MXI1: variants seen among roughly 807,000 people sequenced by gnomAD.
MXI1 encodes the protein MAX interactor 1, dimerization protein.
In MXI1, 18 loss-of-function variants were observed where a neutral mutation model predicts 36.9. The observed-to-expected ratio is 0.49, with a 90% CI of 0.34 to 0.72. The LOEUF (loss-of-function observed/expected upper bound fraction) is 0.72. Among genes scored for constraint, MXI1 ranks in the 30% least tolerant of loss-of-function variants. The pLI, the probability that MXI1 is intolerant of heterozygous loss-of-function variation, is 0.01. For synonymous variants in MXI1, 160 were observed against 146.7 expected (o/e 1.09, Z -0.65); for missense variants, 304 against 379.1 (o/e 0.80, Z 1.64).
Position 110,285,051 on chromosome 10 carries a change from T to A in MXI1, c.*64T>A. 1 of 1,465,488 alleles carries A rather than the reference T, an allele frequency of 6.8e-7. No homozygotes were observed. The highest frequency in any genetic ancestry group is 2.4e-5 in the East Asian group (1 of 42,116). 90.8% of individuals were successfully genotyped at this position (1,465,488 alleles called of 1,614,324 possible). ...CTGGGCCAATTCAATACAAACAATC[T>A]CTTAAATTGGGTTCATGATGCAGTC... is the stretch of plus-strand genomic sequence containing the variant. On this transcript the variant is annotated 3_prime_UTR_variant, in exon 6 of 6. Transcript: ENST00000332674.
At chr10:110,256,646 A>C (rs1856309851) in intron 3 of MXI1, among the ~76,000 whole-genome samples, 1 of 150,790 alleles carries the variant, frequency 6.6e-6, no homozygotes, top group South Asian at 2.1e-4. Flanking sequence ...GCCAATATAC[A>C]TGTGAAATGC....
chr10:110,219,706 C>T (rs946487518), intron 1 of MXI1, among the ~76,000 whole-genome samples: 1 of 152,236 alleles, frequency 6.6e-6, no homozygotes, highest in Non-Finnish European at 1.5e-5. Flanking sequence ...TGCTTATCAT[C>T]AGTCTGGAGG....
chr10:110,266,962 C>A (rs1856694869), intron 3 of MXI1, among the ~76,000 whole-genome samples: 1 of 152,086 alleles, frequency 6.6e-6, no homozygotes, highest in Non-Finnish European at 1.5e-5. Flanking sequence ...CCTTTATTTT[C>A]TGATACTTTT....
chr10:110,271,287 T>C (rs1393785444), intron 3 of MXI1, among the ~76,000 whole-genome samples: 2 of 152,184 alleles, frequency 1.3e-5, no homozygotes, highest in Admixed American at 1.3e-4. Context: ...CATCTGATTA[T>C]ACTGTTTGGA....
intron 3 of MXI1, among the ~76,000 whole-genome samples, chr10:110,256,685 GAATC>G (rs1392503210): frequency 6.7e-6 from 1 of 149,062 alleles, no homozygotes; most frequent in Admixed American, 6.7e-5. Context: ...AGGGAAATGT[GAATC>G]AAAACTATAA....
intron 1 of MXI1, chr10:110,227,914 A>C: frequency 2.3e-6 from 1 of 427,906 alleles, no homozygotes. Flanking sequence ...GTTCTAAAGC[A>C]TCTGAAATCT....
intron 3 of MXI1, among the ~76,000 whole-genome samples, chr10:110,268,593 C>T (rs1010512862): frequency 6.6e-6 from 1 of 152,058 alleles, no homozygotes; most frequent in Non-Finnish European, 1.5e-5. Flanking sequence ...TTTCTATCTA[C>T]CTAAAAGTGC....
intron 3 of MXI1, among the ~76,000 whole-genome samples, chr10:110,275,838 G>C (rs1857009237): frequency 6.6e-6 from 1 of 152,094 alleles, no homozygotes; most frequent in Admixed American, 6.5e-5. Context: ...TTGGAGGACT[G>C]TATTTACAAA....
At chr10:110,211,422 T>G (rs1854512686) in intron 1 of MXI1, among the ~76,000 whole-genome samples, 1 of 151,948 alleles carries the variant, frequency 6.6e-6, no homozygotes, top group Admixed American at 6.6e-5. Flanking sequence ...AGTCTCTTCT[T>G]AAAGGGACGC....
At chr10:110,244,499 G>A (rs1014375730) in intron 2 of MXI1, among the ~76,000 whole-genome samples, 34 of 150,618 alleles carry the variant, frequency 2.3e-4, no homozygotes, top group Non-Finnish European at 1.0e-4. Context: ...ACAGGATTAT[G>A]TTTAAAATTT....
intron 3 of MXI1, among the ~76,000 whole-genome samples, chr10:110,251,744 T>A (rs1281883231): frequency 6.6e-6 from 1 of 151,984 alleles, no homozygotes; most frequent in African/African-American, 2.4e-5. Context: ...GAGAGATAAT[T>A]TGAATATAAG....
chr10:110,213,890 T>G (rs1854565919), intron 1 of MXI1, among the ~76,000 whole-genome samples: 1 of 152,268 alleles, frequency 6.6e-6, no homozygotes, highest in Admixed American at 6.5e-5. Flanking sequence ...ACTAATTGTA[T>G]GGCATAATAT....
chr10:110,235,574 GCTA>G (rs1176048576), intron 2 of MXI1, among the ~76,000 whole-genome samples: 1 of 151,778 alleles, frequency 6.6e-6, no homozygotes, highest in East Asian at 1.9e-4. Flanking sequence ...TGTAGTCCCA[GCTA>G]CTCGGGAGGC....
chr10:110,231,474 AG>A (rs1250930275), intron 2 of MXI1, among the ~76,000 whole-genome samples: 1 of 152,158 alleles, frequency 6.6e-6, no homozygotes, highest in Non-Finnish European at 1.5e-5. Context: ...TTATTTTCAA[AG>A]AAGTAAAAAG....
intron 1 of MXI1, among the ~76,000 whole-genome samples, chr10:110,217,206 T>C (rs1192433271): frequency 6.6e-6 from 1 of 152,120 alleles, no homozygotes; most frequent in African/African-American, 2.4e-5. Context: ...CCAACTCCAG[T>C]GTCTGTAAGG....
At position 110,286,352 on chromosome 10, in the gene MXI1, T is replaced by C. The variant is rs970423221; in HGVS notation, c.*1365T>C. 2.6e-5 allele frequency: 4 copies of C among 152,666 alleles called. No homozygotes were observed. The highest frequency in any genetic ancestry group is 9.6e-5 in the African/African-American group (4 of 41,462). The allele number at this position is 152,666 out of a possible 1,614,324, so 9.5% of individuals were successfully genotyped here. ...GTGAAATTTCTAGCCTGCACTTTGATGTCATGTGTTCCCTTTGTCTTTCAA... is the reference window on the plus strand; with the variant it reads ...GTGAAATTTCTAGCCTGCACTTTGACGTCATGTGTTCCCTTTGTCTTTCAA... On this transcript the variant is annotated 3_prime_UTR_variant, in exon 6 of 6. Transcript: ENST00000332674.
chr10:110,275,974 T>A (rs1857015658), intron 3 of MXI1, among the ~76,000 whole-genome samples: 1 of 149,118 alleles, frequency 6.7e-6, no homozygotes, highest in South Asian at 2.1e-4. Context: ...CTAAAAAAAA[T>A]ATCTTTTAGA....
rs1415983817 is a variant in MXI1 at position 110,207,828 on chromosome 10, C to T, written c.20C>T (p.Pro7Leu). The part of the protein sequence containing the change: MGKRGR[P>L]RKEARCEGAG... ...TCCTCCATGGGCAAACGCGGGCGGCCGCGCAAGGAGGCGCGCTGCGAGGGC... is the reference window on the plus strand; with the variant it reads ...TCCTCCATGGGCAAACGCGGGCGGCTGCGCAAGGAGGCGCGCTGCGAGGGC... The change falls in exon 1 of 6, where the codon CCG becomes CTG. Residue 7 changes from proline (P) to leucine (L), a missense_variant. Around this residue, in one of 2 missense-constraint regions of MXI1, gnomAD observed 179 missense variants for 184.8 expected, o/e 0.97. Coordinates refer to ENST00000332674, the MANE Select transcript of MXI1 (RefSeq NM_130439.3). The T allele has an allele frequency of 2.7e-6, 3 of 1,121,214 alleles. No homozygotes were observed. In the East Asian group the frequency reaches 1.6e-4, roughly 58 times the overall value. The allele number at this position is 1,121,214 out of a possible 1,614,324, so 69.5% of individuals were successfully genotyped here.
chr10:110,280,147 G>GCACTAAATCCACT, intron 5 of MXI1, 62 bp downstream of exon 5: 1 of 1,415,750 alleles, frequency 7.1e-7, no homozygotes, highest in Non-Finnish European at 9.4e-7. Flanking sequence ...ATTTAGGGAA[G>GCACTAAATCCACT]GTATGTTGGG....
Sources: gnomAD v4.1 joint callset for allele counts (sites outside exome capture counted in the v4.1 genomes callset) on GRCh38, gnomAD v4.1.1 for gene constraint, gnomAD v4.1.1 regional missense constraint, MANE v1.5 for transcripts, NCBI Gene and HGNC (gene_info 2026-07-23, HGNC 2026-07-21) for gene names.